Variants in MTMR9 observed in about 807,000 individuals in gnomAD.
The protein encoded by MTMR9 is myotubularin-related protein 9.
MTMR9 carries 39 observed loss-of-function variants against 69.5 expected under a neutral mutation model. The observed-to-expected ratio is 0.56, with a 90% CI of 0.43 to 0.73. MTMR9 has a LOEUF of 0.73. MTMR9 is among the 30% of genes least tolerant of loss of function. MTMR9 has a pLI of 0.00. For missense variants in MTMR9, 900 were observed against 671.2 expected, an observed-to-expected ratio of 1.34 and a Z score of -3.77; for synonymous variants, 354 against 240.8, an observed-to-expected ratio of 1.47 and a Z score of -4.35.
intron 4 of MTMR9, 91 bp from the exon 5 acceptor site, chr8:11,306,099 T>C (rs1346883972): frequency 9.3e-7 from 1 of 1,078,962 alleles, no homozygotes; most frequent in Non-Finnish European, 1.4e-6. Context: ...ACAATTGTTT[T>C]TGAGATACTC....
chr8:11,331,997 GTATTA>G, downstream of MTMR9: 1 of 1,611,940 alleles, frequency 6.2e-7, no homozygotes, highest in Non-Finnish European at 8.5e-7. Flanking sequence ...TTATACTGCA[GTATTA>G]TATGCTCCAT....
At chr8:11,310,015 G>A (rs1800132141) in intron 6 of MTMR9, among the ~76,000 whole-genome samples, 1 of 152,076 alleles carries the variant, frequency 6.6e-6, no homozygotes, top group Non-Finnish European at 1.5e-5. Context: ...AGAATGAAAG[G>A]AAGTTTTCTT....
At chr8:11,289,059 C>G (rs1210901764) in intron 1 of MTMR9, among the ~76,000 whole-genome samples, 1 of 152,306 alleles carries the variant, frequency 6.6e-6, no homozygotes, top group South Asian at 2.1e-4. Context: ...CTGATCCCAG[C>G]TACTCAGGAG....
chr8:11,287,797 ACATATTATATAATACATAT>A (rs1191211683), intron 1 of MTMR9, among the ~76,000 whole-genome samples: 14 of 22,616 alleles, frequency 6.2e-4, no homozygotes, highest in East Asian at 8.9e-3. Flanking sequence ...TATATATAAT[ACATATTATATAATACATAT>A]AATATATAAT....
At chr8:11,329,426 G>A (rs920151758), downstream of MTMR9, among the ~76,000 whole-genome samples, 47 of 152,198 alleles carry the variant, frequency 3.1e-4, no homozygotes, top group Non-Finnish European at 7.4e-5. Context: ...TGATTCTCCT[G>A]CCTCAGCCTG....
At chr8:11,328,365 G>GTGTGTGTA (rs1222488831), downstream of MTMR9, among the ~76,000 whole-genome samples, 1 of 150,714 alleles carries the variant, frequency 6.6e-6, no homozygotes, top group Non-Finnish European at 1.5e-5. Context: ...GTGTGTGTGT[G>GTGTGTGTA]TGTGTGTTTG....
intron 2 of MTMR9, chr8:11,298,829 A>C: frequency 6.1e-6 from 6 of 980,486 alleles, no homozygotes; most frequent in Non-Finnish European, 7.2e-6. Context: ...CCTCCCATCT[A>C]CTCAGGTTTT....
At chr8:11,290,030 A>C (rs1242746368) in intron 1 of MTMR9, among the ~76,000 whole-genome samples, 1 of 152,188 alleles carries the variant, frequency 6.6e-6, no homozygotes, top group African/African-American at 2.4e-5. Flanking sequence ...CTCATTTCAC[A>C]AACTAATTGC....
intron 6 of MTMR9, among the ~76,000 whole-genome samples, chr8:11,311,092 G>T (rs573537673): frequency 3.7e-4 from 56 of 152,036 alleles, no homozygotes; most frequent in Non-Finnish European, 5.4e-4. Context: ...TAAATGAATT[G>T]AATTCAGAAT....
the MTMR9 span, among the ~76,000 whole-genome samples, chr8:11,339,289 G>A: frequency 6.6e-6 from 1 of 152,058 alleles, no homozygotes; most frequent in Non-Finnish European, 1.5e-5. Flanking sequence ...TCTGACAATT[G>A]GTATACTATT....
chr8:11,308,720 A>G lies in MTMR9; in HGVS notation c.810-807A>G, dbSNP rs115783398. 4.2e-3 allele frequency among the ~76,000 whole-genome samples: 645 copies of G among 152,178 alleles called. 3 individuals are homozygous for G. The highest frequency in any genetic ancestry group is 0.015 in the African/African-American group (618 of 41,526). ...CTCATCTTTATTTCTGATTGTATGC[A>G]TTTGCATTGTTTTTCTCTCTGTTTT... On this transcript the variant is annotated intron_variant, in intron 5 of 9. Transcript: ENST00000221086.
chr8:11,290,717 T>C (rs1799351994), intron 1 of MTMR9, among the ~76,000 whole-genome samples: 1 of 152,140 alleles, frequency 6.6e-6, no homozygotes, highest in Admixed American at 6.5e-5. Context: ...TATGTCAAGT[T>C]ATCCTATATA....
chr8:11,289,265 C>T (rs1325296021), intron 1 of MTMR9, among the ~76,000 whole-genome samples: 1 of 152,212 alleles, frequency 6.6e-6, no homozygotes, highest in Non-Finnish European at 1.5e-5. Flanking sequence ...CCTTGCCTTG[C>T]TGGTGAATTG....
At chr8:11,292,294 A>T (rs1235722166) in intron 1 of MTMR9, among the ~76,000 whole-genome samples, 1 of 152,184 alleles carries the variant, frequency 6.6e-6, no homozygotes, top group African/African-American at 2.4e-5. Flanking sequence ...TAATATTCTT[A>T]TGCAAGTCTT....
At chr8:11,304,704 A>C in intron 3 of MTMR9, 137 bp from the exon 4 acceptor site, 135 of 797,614 alleles carry the variant, frequency 1.7e-4, no homozygotes, top group Non-Finnish European at 1.9e-4. Context: ...CATATAAGCT[A>C]GAGATCCACC....
chr8:11,285,868 A>G (rs181663653), intron 1 of MTMR9, among the ~76,000 whole-genome samples: 255 of 151,348 alleles, frequency 1.7e-3, no homozygotes, highest in Non-Finnish European at 2.7e-3. Flanking sequence ...AACATTTTCT[A>G]TTGCCTCACA....
the MTMR9 span, among the ~76,000 whole-genome samples, chr8:11,339,061 C>T: frequency 2.0e-5 from 3 of 152,196 alleles, no homozygotes; most frequent in African/African-American, 4.8e-5. Flanking sequence ...AAGGCCATGT[C>T]ACAGTGGCAG....
chr8:11,287,750 ATATTTATTATT>A (rs1481404258), intron 1 of MTMR9, among the ~76,000 whole-genome samples: 11 of 130,426 alleles, frequency 8.4e-5, no homozygotes, highest in Non-Finnish European at 1.4e-4. Flanking sequence ...ATTTTCTTAT[ATATTTATTATT>A]TATTTATTAT....
At chr8:11,307,866 G>T (rs568711107) in intron 5 of MTMR9, among the ~76,000 whole-genome samples, 1 of 151,794 alleles carries the variant, frequency 6.6e-6, no homozygotes, top group African/African-American at 2.4e-5. Context: ...AGAAATGTCT[G>T]TTCAGGTCTT....
Sources: allele counts gnomAD v4.1 joint callset (sites outside exome capture counted in the v4.1 genomes callset), GRCh38; gene constraint gnomAD v4.1.1; transcripts MANE v1.5; gene names NCBI Gene and HGNC (gene_info 2026-07-23, HGNC 2026-07-21).